The following CDC7 variants were observed in gnomAD, a reference collection of about 807,000 sequenced individuals.
CDC7 encodes the protein cell division cycle 7-related protein kinase.
Under a neutral mutation model 53.5 loss-of-function variants are expected in CDC7, and 34 were observed. The observed-to-expected ratio is 0.64, with a 90% CI of 0.48 to 0.85. CDC7 has a LOEUF of 0.85. Ranked by LOEUF, CDC7 falls within the 40% of genes least tolerant of loss-of-function variation. The pLI, the probability that CDC7 is intolerant of heterozygous loss-of-function variation, is 0.00. For synonymous variants in CDC7, 211 were observed against 222.8 expected (o/e 0.95, Z 0.47); for missense variants, 594 against 679.7 (o/e 0.87, Z 1.40).
intron 7 of CDC7, among the ~76,000 whole-genome samples, chr1:91,513,569 G>T (rs1667401019): frequency 6.6e-6 from 1 of 152,008 alleles, no homozygotes; most frequent in Non-Finnish European, 1.5e-5. Context: ...GACAAAAATG[G>T]AAAATATTAA....
intron 4 of CDC7, among the ~76,000 whole-genome samples, chr1:91,510,947 T>A (rs1667256047): frequency 6.6e-6 from 1 of 152,196 alleles, no homozygotes; most frequent in South Asian, 2.1e-4. Flanking sequence ...CTTTTCTCGC[T>A]ATTAATTTTC....
intron 11 of CDC7, among the ~76,000 whole-genome samples, chr1:91,521,175 G>T (rs189148928): frequency 2.0e-3 from 298 of 152,280 alleles, no homozygotes; most frequent in Admixed American, 3.2e-3. Flanking sequence ...AACCAGAGTT[G>T]CATGTCAGAA....
At chr1:91,522,291 A>G (rs1667993999) in intron 11 of CDC7, among the ~76,000 whole-genome samples, 1 of 152,206 alleles carries the variant, frequency 6.6e-6, no homozygotes, top group Non-Finnish European at 1.5e-5. Flanking sequence ...AAATTTCAAC[A>G]AACACAACTG....
chr1:91,515,764 A>G (rs1667526812), intron 9 of CDC7, 30 bp from the exon 10 acceptor site: 2 of 1,609,918 alleles, frequency 1.2e-6, no homozygotes, highest in Admixed American at 3.4e-5. Context: ...CAACTTTAAC[A>G]TAACTAGAGA....
chr1:91,522,010 CA>C (rs1667974191), intron 11 of CDC7, among the ~76,000 whole-genome samples: 2 of 150,682 alleles, frequency 1.3e-5, no homozygotes, highest in East Asian at 4.0e-4. Flanking sequence ...ATTAAAAACA[CA>C]AAAATTAGTT....
At chr1:91,521,935 G>C (rs1667969161) in intron 11 of CDC7, among the ~76,000 whole-genome samples, 1 of 152,128 alleles carries the variant, frequency 6.6e-6, no homozygotes, top group Non-Finnish European at 1.5e-5. Context: ...GAGAGGCTTA[G>C]GTGGGCAGAT....
chr1:91,516,902 T>C (rs965963387), intron 10 of CDC7, among the ~76,000 whole-genome samples: 1 of 152,024 alleles, frequency 6.6e-6, no homozygotes, highest in Non-Finnish European at 1.5e-5. Context: ...CCATCTCTAC[T>C]AAAAATACAA....
intron 4 of CDC7, among the ~76,000 whole-genome samples, chr1:91,510,559 A>G (rs1667234253): frequency 6.6e-6 from 1 of 152,210 alleles, no homozygotes; most frequent in Non-Finnish European, 1.5e-5. Flanking sequence ...TGGCCTCTAT[A>G]AAGAATGCTT....
chr1:91,524,276 G>A lies in CDC7; in HGVS notation c.1566G>A (p.Glu522=). The change falls in exon 12 of 12, where the codon GAG becomes GAA. Residue 522 remains glutamate, a synonymous_variant. Transcript: ENST00000234626. ...SFKKGDSNSC[E]HCFDEYNTNL... ...AAAAGGGGGATAGTAATAGCTGTGAGCATTGTTTTGATGAGTATAATACCA... is the reference window on the plus strand; with the variant it reads ...AAAAGGGGGATAGTAATAGCTGTGAACATTGTTTTGATGAGTATAATACCA... The A allele has an allele frequency of 6.2e-7, 1 of 1,614,062 alleles. No individual in the cohort carries two copies. The highest frequency in any genetic ancestry group is 8.5e-7 in the Non-Finnish European group (1 of 1,179,958).
intron 4 of CDC7, 103 bp from the exon 5 acceptor site, chr1:91,511,494 G>A (rs1667283443): frequency 3.1e-6 from 2 of 643,988 alleles, no homozygotes; most frequent in East Asian, 5.2e-5. Flanking sequence ...CAGTTTTCTA[G>A]CAATATGTAT....
intron 10 of CDC7, among the ~76,000 whole-genome samples, chr1:91,516,578 TATAAA>T (rs550562071): frequency 5.6e-4 from 85 of 152,260 alleles, no homozygotes; most frequent in African/African-American, 1.9e-3. Flanking sequence ...ATCAAATAAT[TATAAA>T]ATAACCTGTT....
At position 91,524,632 on chromosome 1, in the gene CDC7, A is replaced by G. The variant is rs1264664584; in HGVS notation, c.*197A>G. Reference sequence around the variant, plus strand: ...GATAGTTCTTGGGACTAACAACATGATCTTCTTTGAGTTAAACCTACCTAA... The same window carrying G: ...GATAGTTCTTGGGACTAACAACATGGTCTTCTTTGAGTTAAACCTACCTAA... On this transcript the variant is annotated 3_prime_UTR_variant, in exon 12 of 12. Transcript: ENST00000234626. 1 of 518,012 alleles carries G rather than the reference A, an allele frequency of 1.9e-6. No individual in the cohort carries two copies. The highest frequency in any genetic ancestry group is 3.4e-5 in the South Asian group (1 of 29,822). 32.1% of individuals were successfully genotyped at this position (518,012 alleles called of 1,614,324 possible).
intron 11 of CDC7, 29 bp downstream of exon 11, chr1:91,520,308 C>G (rs778123475): frequency 1.3e-6 from 2 of 1,497,956 alleles, no homozygotes; most frequent in Non-Finnish European, 1.8e-6. Context: ...TAGAACCAAA[C>G]AAAATGCCTT....
intron 10 of CDC7, among the ~76,000 whole-genome samples, chr1:91,519,125 C>T (rs768777808): frequency 4.0e-5 from 6 of 150,948 alleles, no homozygotes; most frequent in African/African-American, 1.5e-4. Context: ...GGATTATAGT[C>T]AGTAATTTAA....
intron 10 of CDC7, among the ~76,000 whole-genome samples, chr1:91,519,330 G>A (rs1667785141): frequency 6.7e-6 from 1 of 150,096 alleles, no homozygotes; most frequent in African/African-American, 2.4e-5. Context: ...TCAAGAGGCT[G>A]AAGCATGAGA....
rs1667419651 is a variant in CDC7 at position 91,513,946 on chromosome 1, A to G, written c.823-2A>G. ...TTTTCCTTGTTTTTGTTGGTATTGTAGGAGGGATCTGTAGGCCTTTCTGTC... is the reference window on the plus strand; with the variant it reads ...TTTTCCTTGTTTTTGTTGGTATTGTGGGAGGGATCTGTAGGCCTTTCTGTC... On this transcript the variant is annotated splice_acceptor_variant, in intron 7 of 11. Transcript: ENST00000234626. LOFTEE classifies it high-confidence loss of function. 1 of 1,601,448 alleles carries G rather than the reference A, an allele frequency of 6.2e-7. No individual in the cohort carries two copies. Among genetic ancestry groups the G allele is most frequent in the African/African-American group, 1.3e-5 (1 of 74,588 alleles).
intron 11 of CDC7, among the ~76,000 whole-genome samples, chr1:91,523,251 A>T (rs1053459245): frequency 1.3e-5 from 2 of 152,204 alleles, no homozygotes; most frequent in Non-Finnish European, 2.9e-5. Flanking sequence ...TGGTACTGAG[A>T]TAAAAGGAAA....
rs879215777 is a variant in CDC7, at chr1:91,513,076, T to C, written c.591T>C (p.Phe197=). The change falls in exon 7 of 12, where the codon TTT becomes TTC. Residue 197 remains phenylalanine, a synonymous_variant. Coordinates refer to ENST00000234626, the MANE Select transcript of CDC7 (RefSeq NM_003503.4). ...CTCTTAGGTATGCCTTGGTAGACTT[T>C]GGTTTGGCCCAAGGAACCCATGATA... is the stretch of plus-strand genomic sequence containing the variant. The part of the protein sequence containing the change: ...RRLKKYALVD[F]GLAQGTHDTK... 1 of 1,613,558 alleles carries C rather than the reference T, an allele frequency of 6.2e-7. No homozygotes were observed.
chr1:91,520,387 G>A, intron 11 of CDC7, 108 bp downstream of exon 11: 2 of 902,050 alleles, frequency 2.2e-6, no homozygotes, highest in Non-Finnish European at 1.6e-6. Flanking sequence ...ATTCAGTCTT[G>A]ATAAAGTTCT....
Sources: gnomAD v4.1 joint callset for allele counts (sites outside exome capture counted in the v4.1 genomes callset) on GRCh38, gnomAD v4.1.1 for gene constraint, MANE v1.5 for transcripts, NCBI Gene and HGNC (gene_info 2026-07-23, HGNC 2026-07-21) for gene names.